The following TMEM117 variants were observed in gnomAD, a reference collection of about 807,000 sequenced individuals.
The protein encoded by TMEM117 is transmembrane protein 117.
Under a neutral mutation model 52.4 loss-of-function variants are expected in TMEM117, and 27 were observed. That is an observed-to-expected ratio of 0.51 (90% CI 0.38 to 0.71). The LOEUF is 0.71. TMEM117 is among the 30% of genes least tolerant of loss of function. The pLI is 0.00. For missense variants in TMEM117, 556 were observed against 630.5 expected (o/e 0.88, Z 1.26); for synonymous variants, 215 against 206.3 (o/e 1.04, Z -0.36).
At chr12:43,987,233 G>A (rs1945863733) in intron 3 of TMEM117, among the ~76,000 whole-genome samples, 1 of 152,168 alleles carries the variant, frequency 6.6e-6, no homozygotes, top group South Asian at 2.1e-4. Context: ...CAAGGAGAGA[G>A]CCTCAGAAGA....
At chr12:44,173,640 A>G (rs1390922291) in intron 4 of TMEM117, among the ~76,000 whole-genome samples, 5 of 150,990 alleles carry the variant, frequency 3.3e-5, no homozygotes, top group Non-Finnish European at 7.4e-5. Flanking sequence ...TTCTTAATAT[A>G]GATAATATAT....
intron 3 of TMEM117, among the ~76,000 whole-genome samples, chr12:44,108,294 C>T (rs12297700): frequency 0.014 from 2,061 of 142,360 alleles, 62 homozygotes; most frequent in African/African-American, 0.051. Context: ...CATGCTGGTG[C>T]GCTGCACCCA....
intron 3 of TMEM117, among the ~76,000 whole-genome samples, chr12:44,047,060 T>G (rs904045919): frequency 6.6e-6 from 1 of 152,152 alleles, no homozygotes; most frequent in Non-Finnish European, 1.5e-5. Flanking sequence ...GGATACAAAG[T>G]ATTAATCCTG....
chr12:44,196,880 G>T (rs1374026874), intron 4 of TMEM117, among the ~76,000 whole-genome samples: 2 of 152,172 alleles, frequency 1.3e-5, no homozygotes, highest in Non-Finnish European at 2.9e-5. Context: ...AATGGTTATG[G>T]TTATGTCAGA....
chr12:44,025,003 G>A (rs1166793380), intron 3 of TMEM117, among the ~76,000 whole-genome samples: 1 of 152,084 alleles, frequency 6.6e-6, no homozygotes, highest in African/African-American at 2.4e-5. Context: ...ACAACCAAAA[G>A]GTGACTAAGT....
intron 4 of TMEM117, among the ~76,000 whole-genome samples, chr12:44,166,258 C>T (rs564247844): frequency 8.5e-5 from 13 of 152,258 alleles, no homozygotes; most frequent in African/African-American, 2.2e-4. Context: ...TAAATACCTA[C>T]GTCAAAAAAG....
intron 3 of TMEM117, among the ~76,000 whole-genome samples, chr12:44,051,526 G>T (rs1054138020): frequency 1.3e-5 from 2 of 152,136 alleles, no homozygotes; most frequent in Non-Finnish European, 2.9e-5. Flanking sequence ...AAGGGAAATT[G>T]TACATTATAT....
chr12:44,158,940 G>A (rs1400566778), intron 4 of TMEM117, among the ~76,000 whole-genome samples: 1 of 152,174 alleles, frequency 6.6e-6, no homozygotes, highest in Non-Finnish European at 1.5e-5. Context: ...TGTGCAAGTA[G>A]AGAAGAAAGG....
chr12:44,336,413 C>A (rs840774), intron 6 of TMEM117, among the ~76,000 whole-genome samples: 21,240 of 151,960 alleles, frequency 0.14, 4,102 homozygotes, highest in African/African-American at 0.44. Context: ...ACACATACAT[C>A]TATATATTTT....
chr12:44,363,308 G>C (rs1951747374), intron 6 of TMEM117, among the ~76,000 whole-genome samples: 2 of 152,170 alleles, frequency 1.3e-5, no homozygotes, highest in Non-Finnish European at 2.9e-5. Flanking sequence ...GCTGCACCTA[G>C]TACAGAATCT....
At chr12:43,936,374 G>T (rs994393076) in intron 2 of TMEM117, among the ~76,000 whole-genome samples, 4 of 152,216 alleles carry the variant, frequency 2.6e-5, no homozygotes, top group Admixed American at 1.3e-4. Flanking sequence ...TGGGGCAGAG[G>T]GTAGGGATTT....
chr12:44,189,607 C>G (rs1435881493), intron 4 of TMEM117, among the ~76,000 whole-genome samples: 1 of 152,006 alleles, frequency 6.6e-6, no homozygotes, highest in African/African-American at 2.4e-5. Context: ...TCCTCCAGAA[C>G]AAAACAAAAA....
intron 3 of TMEM117, among the ~76,000 whole-genome samples, chr12:43,974,843 T>C (rs932153095): frequency 2.6e-5 from 4 of 152,198 alleles, no homozygotes; most frequent in Admixed American, 1.3e-4. Context: ...TATGTAATGC[T>C]AATGAATAAT....
In TMEM117 at chr12:43,978,371, G is replaced by A. The variant is rs566535927; in HGVS notation, c.410+34029G>A. ...GTTTCAAGGTTCTGCAATAAATAGA[G>A]TAAGCAGAGTCATTAATAATATTGA... On this transcript the variant is annotated intron_variant, in intron 3 of 7. Transcript: ENST00000266534. 8.5e-5 allele frequency among the ~76,000 whole-genome samples: 13 copies of A among 152,300 alleles called. No homozygotes were observed. In the South Asian group the frequency reaches 2.7e-3, roughly 32 times the overall value.
At chr12:43,799,570 G>GA in the TMEM117 span, 1 of 814,334 alleles carries the variant, frequency 1.2e-6, no homozygotes. Context: ...GTTACTTTAG[G>GA]AAAAACAAAA....
At chr12:44,224,525 C>T (rs1240873565) in intron 5 of TMEM117, among the ~76,000 whole-genome samples, 2 of 151,662 alleles carry the variant, frequency 1.3e-5, no homozygotes. Context: ...TCCTTCTCCT[C>T]CTTCTCCTCC....
At chr12:44,180,827 C>T (rs1416872428) in intron 4 of TMEM117, among the ~76,000 whole-genome samples, 1 of 151,964 alleles carries the variant, frequency 6.6e-6, no homozygotes, top group African/African-American at 2.4e-5. Context: ...GTGCATGTGT[C>T]TTTATAGCAG....
intron 4 of TMEM117, among the ~76,000 whole-genome samples, chr12:44,161,625 A>G (rs964690108): frequency 3.3e-5 from 5 of 152,210 alleles, no homozygotes; most frequent in Non-Finnish European, 7.3e-5. Context: ...ATTATCATTC[A>G]GTAAGCATAT....
chr12:43,968,730 A>G (rs1053822114), intron 3 of TMEM117, among the ~76,000 whole-genome samples: 1 of 152,190 alleles, frequency 6.6e-6, no homozygotes, highest in East Asian at 1.9e-4. Context: ...TTAGCACAAT[A>G]CAAATTATTA....
Sources: allele counts gnomAD v4.1 joint callset (sites outside exome capture counted in the v4.1 genomes callset), GRCh38; gene constraint gnomAD v4.1.1; transcripts MANE v1.5; gene names NCBI Gene and HGNC (gene_info 2026-07-23, HGNC 2026-07-21).